Variants in DNMT3A observed in about 807,000 individuals in gnomAD.
DNMT3A encodes the protein DNA (cytosine-5)-methyltransferase 3A.
Under a neutral mutation model 117.6 loss-of-function variants are expected in DNMT3A, and 267 were observed. The observed-to-expected ratio is 2.27, with a 90% CI of 2.05 to 2.51. DNMT3A has a LOEUF of 2.51. Among genes scored for constraint, DNMT3A ranks in the 30% most tolerant of loss-of-function variants. The pLI, the probability that DNMT3A is intolerant of heterozygous loss-of-function variation, is 0.00. For synonymous variants in DNMT3A, 432 were observed against 474.8 expected, an observed-to-expected ratio of 0.91 and a Z score of 1.17; for missense variants, 1,029 against 1,260.2, an observed-to-expected ratio of 0.82 and a Z score of 2.78.
chr2:25,308,587 C>T (rs1425480609), intron 2 of DNMT3A, among the ~76,000 whole-genome samples: 3 of 151,982 alleles, frequency 2.0e-5, no homozygotes, highest in Non-Finnish European at 2.9e-5. Context: ...AGAGTGAGCG[C>T]GCCATTATCG....
intron 3 of DNMT3A, among the ~76,000 whole-genome samples, chr2:25,285,789 A>T (rs933503328): frequency 6.6e-6 from 1 of 152,062 alleles, no homozygotes; most frequent in Non-Finnish European, 1.5e-5. Context: ...TCCAGCCTAG[A>T]ATGGTCCTCC....
intron 6 of DNMT3A, among the ~76,000 whole-genome samples, chr2:25,267,266 T>C (rs2030448117): frequency 6.6e-6 from 1 of 152,212 alleles, no homozygotes; most frequent in Non-Finnish European, 1.5e-5. Context: ...GCATCAAGTA[T>C]TTCTGGTGAA....
chr2:25,237,089 C>T lies in DNMT3A; in HGVS notation c.2409-84G>A. ...CAGCTGCACGACTCCCCTCCCTCCC[C>T]CAGCAGCCACTAGTTCACAGGGTAA... is the stretch of plus-strand genomic sequence containing the variant. On this transcript the variant is annotated intron_variant, in intron 20 of 22. Coordinates refer to ENST00000321117, the MANE Select transcript of DNMT3A (RefSeq NM_022552.5). The surrounding 1 kb of genome is among the most constrained non-coding windows in gnomAD (Gnocchi z 5.4). 5.8e-6 allele frequency: 8 copies of T among 1,375,278 alleles called. No individual in the cohort carries two copies. Among genetic ancestry groups the T allele is most frequent in the Non-Finnish European group, 8.1e-6 (8 of 985,986 alleles). 85.2% of individuals were successfully genotyped at this position (1,375,278 alleles called of 1,614,324 possible). A position where few individuals can be genotyped will look rare whatever the true frequency, so the allele number is the denominator to read the frequency against.
rs530223152 is a variant in DNMT3A at position 25,257,915 on chromosome 2, T to G, written c.640-9663A>C. 8.3e-4 allele frequency among the ~76,000 whole-genome samples: 126 copies of G among 152,202 alleles called. No homozygotes were observed. The highest frequency in any genetic ancestry group is 3.0e-3 in the African/African-American group (125 of 41,532). ...GAGAGGCCCGAGCCCACCTGAAAGGTCAGAGCAATTCACTGGAGAGAAGTG... is the reference window on the plus strand; with the variant it reads ...GAGAGGCCCGAGCCCACCTGAAAGGGCAGAGCAATTCACTGGAGAGAAGTG... On this transcript the variant is annotated intron_variant, in intron 6 of 22. Coordinates refer to ENST00000321117, the MANE Select transcript of DNMT3A (RefSeq NM_022552.5). This position sits in a 1 kb window ranked among gnomAD's most constrained non-coding sequence, Gnocchi z 4.8.
intron 2 of DNMT3A, among the ~76,000 whole-genome samples, chr2:25,303,628 C>T (rs2033633298): frequency 6.6e-6 from 1 of 152,354 alleles, no homozygotes; most frequent in East Asian, 1.9e-4. Context: ...GCTTCTGGGT[C>T]GTGCTTGGAG....
chr2:25,309,375 C>T (rs565163241), intron 2 of DNMT3A, among the ~76,000 whole-genome samples: 10 of 152,232 alleles, frequency 6.6e-5, no homozygotes, highest in Non-Finnish European at 1.2e-4. Context: ...AGCTGCATGT[C>T]TGCAGCAGTG....
At position 25,294,559 on chromosome 2, in the gene DNMT3A, G is replaced by A. The variant is rs1015044261; in HGVS notation, c.177+5580C>T. Among the ~76,000 whole-genome samples the A allele has an allele frequency of 2.0e-5, 3 of 152,194 alleles. No individual in the cohort carries two copies. Among genetic ancestry groups the A allele is most frequent in the Non-Finnish European group, 4.4e-5 (3 of 68,026 alleles). ...GCACCATATCACCCAGCCGAGGTCCGGAGGGTTAGCCCAGGAGCGGCTCTG... is the reference window on the plus strand; with the variant it reads ...GCACCATATCACCCAGCCGAGGTCCAGAGGGTTAGCCCAGGAGCGGCTCTG... On this transcript the variant is annotated intron_variant, in intron 3 of 22. Transcript: ENST00000321117. The surrounding 1 kb of genome is among the most constrained non-coding windows in gnomAD (Gnocchi z 4.7).
rs1056313969 is a variant in DNMT3A at position 25,257,770 on chromosome 2, C to T, written c.640-9518G>A. On this transcript the variant is annotated intron_variant, in intron 6 of 22. Transcript: ENST00000321117. This position sits in a 1 kb window ranked among gnomAD's most constrained non-coding sequence, Gnocchi z 4.8. ...CTTGGGGTCTACCTACGTAGATCAG[C>T]GGGCTTAAGGTGGGGCCCAGGAATC... is the stretch of plus-strand genomic sequence containing the variant. Among the ~76,000 whole-genome samples, 1 of 152,188 alleles carries T rather than the reference C, an allele frequency of 6.6e-6. No homozygotes were observed. Among genetic ancestry groups the T allele is most frequent in the African/African-American group, 2.4e-5 (1 of 41,438 alleles).
chr2:25,312,302 G>T (rs1309143794), intron 2 of DNMT3A, among the ~76,000 whole-genome samples: 1 of 152,222 alleles, frequency 6.6e-6, no homozygotes, highest in African/African-American at 2.4e-5. Flanking sequence ...GGCAGCCTAG[G>T]GGCCCGCAGG....
At chr2:25,276,227 C>T (rs1011833355) in intron 4 of DNMT3A, among the ~76,000 whole-genome samples, 1 of 152,206 alleles carries the variant, frequency 6.6e-6, no homozygotes, top group South Asian at 2.1e-4. Context: ...CCACTCCCTG[C>T]CCCATGCTCA....
intron 2 of DNMT3A, among the ~76,000 whole-genome samples, chr2:25,310,318 C>CTGCT (rs1319257164): frequency 6.6e-5 from 10 of 151,550 alleles, no homozygotes; most frequent in Non-Finnish European, 1.5e-5. Flanking sequence ...AGCCTCCCCA[C>CTGCT]TGCTTGCCTC....
rs1558751975 is a variant in DNMT3A at position 25,337,667 on chromosome 2, T to G, written c.-178+4159A>C. 6.6e-6 allele frequency among the ~76,000 whole-genome samples: 1 copy of G among 152,184 alleles called. No homozygotes were observed. Among genetic ancestry groups the G allele is most frequent in the Non-Finnish European group, 1.5e-5 (1 of 68,028 alleles). On this transcript the variant is annotated intron_variant, in intron 1 of 22. Transcript: ENST00000321117. This position sits in a 1 kb window ranked among gnomAD's most constrained non-coding sequence, Gnocchi z 5.0. ...CACACACATCATGCACAGACACATG[T>G]GCACTGAACCTCGTCTTGCCCACAC...
chr2:25,235,302 A>G (rs1040248183), intron 22 of DNMT3A, among the ~76,000 whole-genome samples: 4 of 151,796 alleles, frequency 2.6e-5, no homozygotes, highest in African/African-American at 9.7e-5. Context: ...CTCCTGTCTC[A>G]GCCTCCTGAG....
At chr2:25,340,824 C>T (rs1399463004) in intron 1 of DNMT3A, among the ~76,000 whole-genome samples, 1 of 149,036 alleles carries the variant, frequency 6.7e-6, no homozygotes, top group Non-Finnish European at 1.5e-5. Context: ...GGTCCCGGCC[C>T]CGCTACTTCC....
chr2:25,324,238 G>A (rs959097037), intron 1 of DNMT3A, among the ~76,000 whole-genome samples: 2 of 152,158 alleles, frequency 1.3e-5, no homozygotes, highest in Non-Finnish European at 2.9e-5. Flanking sequence ...CTGTGCTAAG[G>A]AACATGCACT....
intron 3 of DNMT3A, among the ~76,000 whole-genome samples, chr2:25,289,152 G>T (rs913325277): frequency 6.7e-6 from 1 of 150,054 alleles, no homozygotes; most frequent in African/African-American, 2.5e-5. Context: ...TTGCCCAGGC[G>T]AGTGCAGTGG....
rs2034085449 is a variant in DNMT3A at position 25,311,079 on chromosome 2, G to A, written c.72+2834C>T. Among the ~76,000 whole-genome samples, 1 of 150,898 alleles carries A rather than the reference G, an allele frequency of 6.6e-6. No homozygotes were observed. On this transcript the variant is annotated intron_variant, in intron 2 of 22. Transcript: ENST00000321117. The surrounding 1 kb of genome is among the most constrained non-coding windows in gnomAD (Gnocchi z 5.2). ...AACAAAGACCTGGAGACTCCAGGAA[G>A]TATGGGAGTGGGGCTGGAGTGAAAG...
chr2:25,338,669 A>G (rs940208843), intron 1 of DNMT3A, among the ~76,000 whole-genome samples: 1 of 152,134 alleles, frequency 6.6e-6, no homozygotes, highest in African/African-American at 2.4e-5. Context: ...TGTTTCCTGG[A>G]GATCACAAAC....
chr2:25,300,722 T>TAC (rs1553428145), intron 2 of DNMT3A, among the ~76,000 whole-genome samples: 2 of 14,016 alleles, frequency 1.4e-4, no homozygotes, highest in African/African-American at 7.4e-4. Context: ...AATATATATA[T>TAC]ATATATATAT....
Sources: allele counts gnomAD v4.1 joint callset (sites outside exome capture counted in the v4.1 genomes callset), GRCh38; gene constraint gnomAD v4.1.1; non-coding constraint Gnocchi (gnomAD v3.1); transcripts MANE v1.5; gene names NCBI Gene and HGNC (gene_info 2026-07-23, HGNC 2026-07-21).